The following MAP3K19 variants were observed in gnomAD, a reference collection of about 807,000 sequenced individuals.
The protein encoded by MAP3K19 is mitogen-activated protein kinase kinase kinase 19.
Under a neutral mutation model 114.4 loss-of-function variants are expected in MAP3K19, and 91 were observed. That is an observed-to-expected ratio of 0.80 (90% CI 0.67 to 0.95). MAP3K19 has a LOEUF of 0.95. Ranked by LOEUF, MAP3K19 falls within the 40% of genes least tolerant of loss-of-function variation. The probability of loss-of-function intolerance (pLI) is 0.00; values close to 1 mark genes in which losing one functional copy is unlikely to be tolerated. For missense variants in MAP3K19, 1,471 were observed against 1,573.2 expected (o/e 0.94, Z 1.10); for synonymous variants, 518 against 530.5 (o/e 0.98, Z 0.32).
rs1683214458 is a variant in MAP3K19 at position 134,964,543 on chromosome 2, C to T, written c.*307G>A. On this transcript the variant is annotated 3_prime_UTR_variant, in exon 13 of 13. Transcript: ENST00000392915. The stretch of plus-strand genomic sequence containing the variant: ...CAACATTAAAATTGACAGGACAGGC[C>T]AAAAATAAAAAGAAATGTCATATAA... The T allele has an allele frequency of 5.3e-6, 1 of 189,900 alleles. No individual in the cohort carries two copies. Among genetic ancestry groups the T allele is most frequent in the Non-Finnish European group, 1.1e-5 (1 of 92,952 alleles). 11.8% of individuals were successfully genotyped at this position (189,900 alleles called of 1,614,324 possible).
chr2:135,047,391 G>A lies in MAP3K19; in HGVS notation c.-630C>T, dbSNP rs1277814564. 1.3e-5 allele frequency: 2 copies of A among 151,914 alleles called. No homozygotes were observed. Among genetic ancestry groups the A allele is most frequent in the African/African-American group, 2.4e-5 (1 of 41,342 alleles). 9.4% of individuals were successfully genotyped at this position (151,914 alleles called of 1,614,324 possible). ...CAAATAATTTTTCCTTTTAAATTTT[G>A]TCTTTAATTAAGCTGGTCCTGCATG... On this transcript the variant is annotated 5_prime_UTR_variant, in exon 1 of 13. Transcript: ENST00000392915.
chr2:134,986,589 A>G lies in MAP3K19; in HGVS notation c.2283T>C (p.Gly761=), dbSNP rs1429958036. 6.2e-7 allele frequency: 1 copy of G among 1,614,102 alleles called. No homozygotes were observed. The highest frequency in any genetic ancestry group is 8.5e-7 in the Non-Finnish European group (1 of 1,180,046). The change falls in exon 10 of 13, where the codon GGT becomes GGC. Residue 761 remains glycine, a synonymous_variant. Transcript: ENST00000392915. ...SNLHDIENGD[G]ISEPDWQIKS... ...TTATCTGCCAGTCTGGTTCTGAAAT[A>G]CCATCACCATTTTCAATGTCATGTA...
At chr2:134,974,353 G>A (rs1314048674) in intron 12 of MAP3K19, among the ~76,000 whole-genome samples, 1 of 152,140 alleles carries the variant, frequency 6.6e-6, no homozygotes, top group African/African-American at 2.4e-5. Flanking sequence ...GATTTCTGCT[G>A]ATAAATCCAC....
At chr2:135,005,569 A>G (rs1242113846) in intron 5 of MAP3K19, 38 bp from the exon 6 acceptor site, 1 of 1,491,566 alleles carries the variant, frequency 6.7e-7, no homozygotes, top group Non-Finnish European at 9.3e-7. Context: ...GTTATTAGTT[A>G]TTCGATGTAC....
rs1291858074 is a variant in MAP3K19 at position 134,987,017 on chromosome 2, T to TA, written c.1854dup (p.Lys619Ter). The TA allele has an allele frequency of 6.2e-7, 1 of 1,613,358 alleles. No homozygotes were observed. The highest frequency in any genetic ancestry group is 2.2e-5 in the East Asian group (1 of 44,900). ...CATGACTTCTGTGTTCCTGGATTTTTACAGATGCAAGGAAATGATTGCTTT... is the reference window on the plus strand; with the variant it reads ...CATGACTTCTGTGTTCCTGGATTTTTAACAGATGCAAGGAAATGATTGCTTT... On this transcript the variant is annotated frameshift_variant, in exon 10 of 13. Transcript: ENST00000392915. LOFTEE classifies it high-confidence loss of function.
chr2:135,016,134 G>T (rs192720707), intron 5 of MAP3K19, among the ~76,000 whole-genome samples: 10 of 152,286 alleles, frequency 6.6e-5, no homozygotes, highest in Non-Finnish European at 1.3e-4. Flanking sequence ...GCATGTGCCT[G>T]CAGTCCCAGC....
At chr2:134,989,102 G>C (rs916769870) in intron 9 of MAP3K19, among the ~76,000 whole-genome samples, 8 of 152,040 alleles carry the variant, frequency 5.3e-5, no homozygotes, top group African/African-American at 1.9e-4. Context: ...TTTCTCCTTT[G>C]CCCTCTAGTT....
At chr2:135,007,061 G>A (rs1294124951) in intron 5 of MAP3K19, among the ~76,000 whole-genome samples, 7 of 151,616 alleles carry the variant, frequency 4.6e-5, no homozygotes, top group South Asian at 2.1e-4. Flanking sequence ...CTACTCAGGA[G>A]GCTGAGGTGC....
intron 3 of MAP3K19, 81 bp from the exon 4 acceptor site, chr2:135,024,822 T>C: frequency 1.7e-6 from 1 of 571,896 alleles, no homozygotes; most frequent in Admixed American, 3.3e-5. Flanking sequence ...GGGAAACATT[T>C]ACATCAAATA....
At chr2:135,035,383 T>A (rs1372988992) in intron 2 of MAP3K19, among the ~76,000 whole-genome samples, 1 of 151,938 alleles carries the variant, frequency 6.6e-6, no homozygotes, top group East Asian at 1.9e-4. Context: ...GGCAACAGAG[T>A]GAGATCCTGT....
At chr2:135,002,517 A>G (rs983569527) in intron 6 of MAP3K19, among the ~76,000 whole-genome samples, 1 of 151,958 alleles carries the variant, frequency 6.6e-6, no homozygotes, top group Admixed American at 6.5e-5. Flanking sequence ...ATGGATGTGC[A>G]TATCTGTCTG....
chr2:135,016,704 T>C (rs1687606219), intron 5 of MAP3K19, among the ~76,000 whole-genome samples: 1 of 152,238 alleles, frequency 6.6e-6, no homozygotes, highest in Non-Finnish European at 1.5e-5. Flanking sequence ...CTACTTTCAG[T>C]GTAGAGGTCT....
At chr2:134,982,129 T>C (rs1684717740) in intron 11 of MAP3K19, among the ~76,000 whole-genome samples, 1 of 141,392 alleles carries the variant, frequency 7.1e-6, no homozygotes, top group Non-Finnish European at 1.5e-5. Flanking sequence ...TTTTTTTTTT[T>C]TTTTTGGAGA....
chr2:135,023,645 G>A, intron 4 of MAP3K19: 1 of 464,856 alleles, frequency 2.2e-6, no homozygotes, highest in African/African-American at 2.0e-5. Flanking sequence ...ACATCTCGCA[G>A]TTCTGTGAAT....
chr2:134,998,190 C>G (rs926551775), intron 8 of MAP3K19, among the ~76,000 whole-genome samples: 3 of 152,108 alleles, frequency 2.0e-5, no homozygotes, highest in Non-Finnish European at 2.9e-5. Context: ...AACGTAGACT[C>G]AAGTCCATAA....
intron 2 of MAP3K19, among the ~76,000 whole-genome samples, chr2:135,032,000 C>A (rs528614033): frequency 5.3e-5 from 8 of 152,202 alleles, no homozygotes; most frequent in Non-Finnish European, 8.8e-5. Flanking sequence ...AGGCCCAAAT[C>A]AAAAATTCAG....
Position 134,986,079 on chromosome 2 carries a change from A to G in MAP3K19, c.2793T>C (p.Ser931=), listed in dbSNP as rs773401035. 1.4e-5 allele frequency: 22 copies of G among 1,613,958 alleles called. No homozygotes were observed. Among genetic ancestry groups the G allele is most frequent in the Non-Finnish European group, 7.6e-6 (9 of 1,180,006 alleles). Residue 931 remains serine, a synonymous_variant, in exon 10 of 13, where the codon AGT becomes AGC. Coordinates refer to ENST00000392915, the MANE Select transcript of MAP3K19 (RefSeq NM_025052.5). The stretch of plus-strand genomic sequence containing the variant: ...GATATGTGATTGACTTATTTGCTAA[A>G]CTATCATGATCCAAATAATGTACCC... ...QYWVHYLDHD[S]LANKSITYQM... is the part of the protein sequence containing the mutation.
chr2:135,041,496 G>A lies in MAP3K19; in HGVS notation c.-423-994C>T, dbSNP rs573644455. On this transcript the variant is annotated intron_variant, in intron 1 of 12. Coordinates refer to ENST00000392915, the MANE Select transcript of MAP3K19 (RefSeq NM_025052.5). ...GCTGGGACTACTGGTGCGCCACCAT[G>A]CCTGGCTAATTTTTGTAGTTTTTGG... 1.1e-3 allele frequency among the ~76,000 whole-genome samples: 171 copies of A among 152,102 alleles called. 1 individual carries two copies. The highest frequency in any genetic ancestry group is 3.7e-3 in the African/African-American group (154 of 41,498).
intron 12 of MAP3K19, among the ~76,000 whole-genome samples, chr2:134,978,476 C>G (rs1465192003): frequency 6.6e-6 from 1 of 152,170 alleles, no homozygotes; most frequent in Non-Finnish European, 1.5e-5. Flanking sequence ...GCTGGGATTA[C>G]AGGCATGAGC....
Sources: gnomAD v4.1 joint callset for allele counts (sites outside exome capture counted in the v4.1 genomes callset) on GRCh38, gnomAD v4.1.1 for gene constraint, MANE v1.5 for transcripts, NCBI Gene and HGNC (gene_info 2026-07-23, HGNC 2026-07-21) for gene names.